Variants in CLYBL observed in about 807,000 individuals in gnomAD.
The protein encoded by CLYBL is citramalyl-CoA lyase, mitochondrial.
In CLYBL, 31 loss-of-function variants were observed where a neutral mutation model predicts 38.9. The observed-to-expected ratio is 0.80, with a 90% CI of 0.60 to 1.08. The LOEUF (loss-of-function observed/expected upper bound fraction) is 1.08, where lower values mean the gene tolerates loss of function less well. Among genes scored for constraint, CLYBL ranks in the 50% least tolerant of loss-of-function variants. The pLI is 0.00. For missense variants in CLYBL, 434 were observed against 411.6 expected, an observed-to-expected ratio of 1.05 and a Z score of -0.47; for synonymous variants, 171 against 158.6, an observed-to-expected ratio of 1.08 and a Z score of -0.59.
intron 1 of CLYBL, among the ~76,000 whole-genome samples, chr13:99,667,747 G>A (rs934455371): frequency 2.0e-5 from 3 of 151,980 alleles, no homozygotes; most frequent in Admixed American, 6.6e-5. Context: ...ATAAACATTC[G>A]CTCTTAAATT....
At position 99,781,461 on chromosome 13, in the gene CLYBL, C is replaced by T. The variant is rs148824376; in HGVS notation, c.249+8451C>T. On this transcript the variant is annotated intron_variant, in intron 2 of 8. Coordinates refer to ENST00000339105, the MANE Select transcript of CLYBL (RefSeq NM_206808.5). ...CTGGGATTACAGGCATAAGCCACTG[C>T]ACCCAGCCAAATTTTTTATTTTTTG... Among the ~76,000 whole-genome samples the T allele has an allele frequency of 1.6e-3, 240 of 151,934 alleles. 2 individuals are homozygous for T. The East Asian group carries it at 0.04, about 25-fold the overall frequency.
intron 1 of CLYBL, chr13:99,691,107 A>G (rs1428243999): frequency 6.6e-6 from 1 of 152,306 alleles, no homozygotes; most frequent in East Asian, 1.9e-4. Flanking sequence ...CCCACTCAAG[A>G]ATTTCCCACA....
chr13:99,767,019 G>A (rs2049282535), intron 1 of CLYBL, among the ~76,000 whole-genome samples: 1 of 152,220 alleles, frequency 6.6e-6, no homozygotes, highest in Admixed American at 6.5e-5. Context: ...TCAGGCACTT[G>A]CGATGCTTCC....
intron 1 of CLYBL, among the ~76,000 whole-genome samples, chr13:99,642,851 C>G (rs1484888664): frequency 6.6e-6 from 1 of 152,106 alleles, no homozygotes; most frequent in Non-Finnish European, 1.5e-5. Flanking sequence ...CTTAACCTCC[C>G]AGGCTCAAAC....
intron 7 of CLYBL, among the ~76,000 whole-genome samples, chr13:99,890,838 C>A (rs2052471121): frequency 6.6e-6 from 1 of 152,164 alleles, no homozygotes; most frequent in African/African-American, 2.4e-5. Context: ...CCTGTACAAT[C>A]CTACCTTGCA....
intron 1 of CLYBL, among the ~76,000 whole-genome samples, chr13:99,759,923 T>G (rs2049134349): frequency 6.6e-6 from 1 of 152,226 alleles, no homozygotes; most frequent in Admixed American, 6.5e-5. Flanking sequence ...CCACTATTTT[T>G]GCTGTTTGAG....
At chr13:99,770,076 C>CTTTTTTTTTTTTTTTTT (rs68172402) in intron 1 of CLYBL, among the ~76,000 whole-genome samples, 1 of 121,964 alleles carries the variant, frequency 8.2e-6, no homozygotes. Flanking sequence ...TTTTTCTTTT[C>CTTTTTTTTTTTTTTTTT]TTTCTTTTTT....
At chr13:99,717,176 A>G (rs1352287624) in intron 1 of CLYBL, among the ~76,000 whole-genome samples, 2 of 151,836 alleles carry the variant, frequency 1.3e-5, no homozygotes, top group East Asian at 4.0e-4. Context: ...CTGTAATCCC[A>G]GCACTTTGGG....
chr13:99,616,513 G>C (rs1041740991), intron 1 of CLYBL, among the ~76,000 whole-genome samples: 2 of 152,154 alleles, frequency 1.3e-5, no homozygotes, highest in Non-Finnish European at 2.9e-5. Flanking sequence ...AAAAAGGCCT[G>C]TTGGCTACCG....
At chr13:99,692,627 G>T (rs955535643) in intron 1 of CLYBL, among the ~76,000 whole-genome samples, 7 of 152,194 alleles carry the variant, frequency 4.6e-5, no homozygotes, top group Non-Finnish European at 4.4e-5. Flanking sequence ...CACGTCAGTG[G>T]TTTTCAGTCT....
chr13:99,673,229 A>G (rs779272871), intron 1 of CLYBL, among the ~76,000 whole-genome samples: 66 of 152,298 alleles, frequency 4.3e-4, no homozygotes, highest in Non-Finnish European at 7.2e-4. Context: ...CCTGGCCAAC[A>G]TGGTGAAACC....
At chr13:99,712,293 C>T (rs1343484922) in intron 1 of CLYBL, among the ~76,000 whole-genome samples, 1 of 150,178 alleles carries the variant, frequency 6.7e-6, no homozygotes, top group Non-Finnish European at 1.5e-5. Flanking sequence ...ATTTTCCTTT[C>T]TCATATAACT....
At chr13:99,884,521 A>G (rs1476168180) in intron 7 of CLYBL, among the ~76,000 whole-genome samples, 2 of 152,100 alleles carry the variant, frequency 1.3e-5, no homozygotes, top group Non-Finnish European at 2.9e-5. Flanking sequence ...GTTACTCTTC[A>G]ACTCCCCTGT....
At chr13:99,864,691 G>T in intron 4 of CLYBL, 127 bp from the exon 5 acceptor site, 2 of 683,120 alleles carry the variant, frequency 2.9e-6, no homozygotes, top group South Asian at 3.5e-5. Context: ...TTTGGGCTGC[G>T]TTTTTAGGAC....
At chr13:99,692,286 G>GTTTTTTTTTTTTTT in intron 1 of CLYBL, among the ~76,000 whole-genome samples, 1 of 115,882 alleles carries the variant, frequency 8.6e-6, no homozygotes. Flanking sequence ...TGTTTTTTTT[G>GTTTTTTTTTTTTTT]TTTTTTTTTT....
chr13:99,908,707 T>C (rs1321223885), exon 10 of CLYBL, among the ~76,000 whole-genome samples: 2 of 152,218 alleles, frequency 1.3e-5, no homozygotes, highest in Admixed American at 1.3e-4. Flanking sequence ...GTGTGTCCAA[T>C]TTAAAGAATA....
chr13:99,878,819 G>T (rs2052116814), intron 7 of CLYBL, among the ~76,000 whole-genome samples: 1 of 152,128 alleles, frequency 6.6e-6, no homozygotes, highest in South Asian at 2.1e-4. Context: ...CTTGTGAAAA[G>T]ATATCGAAAA....
At chr13:99,756,435 G>A (rs1042383439) in intron 1 of CLYBL, among the ~76,000 whole-genome samples, 1 of 152,096 alleles carries the variant, frequency 6.6e-6, no homozygotes, top group Admixed American at 6.6e-5. Context: ...CTGAGGCCTG[G>A]GACTCACCAT....
At chr13:99,803,183 C>T (rs1203162629) in intron 2 of CLYBL, among the ~76,000 whole-genome samples, 2 of 152,168 alleles carry the variant, frequency 1.3e-5, no homozygotes, top group African/African-American at 2.4e-5. Context: ...GTGGAGTGGC[C>T]GGCTGAAGGT....
Sources: gnomAD v4.1 joint callset for allele counts (sites outside exome capture counted in the v4.1 genomes callset) on GRCh38, gnomAD v4.1.1 for gene constraint, MANE v1.5 for transcripts, NCBI Gene and HGNC (gene_info 2026-07-23, HGNC 2026-07-21) for gene names.